PIPOX: variants seen among roughly 807,000 people sequenced by gnomAD.
The protein encoded by PIPOX is peroxisomal sarcosine oxidase.
Under a neutral mutation model 47.9 loss-of-function variants are expected in PIPOX, and 45 were observed. The observed-to-expected ratio is 0.94, with a 90% CI of 0.74 to 1.20. The LOEUF is 1.20. Among genes scored for constraint, PIPOX ranks in the 50% most tolerant of loss-of-function variants. PIPOX has a pLI of 0.00. For missense variants in PIPOX, 458 were observed against 498.4 expected, an observed-to-expected ratio of 0.92 and a Z score of 0.77; for synonymous variants, 165 against 191.3, an observed-to-expected ratio of 0.86 and a Z score of 1.13.
intron 2 of PIPOX, among the ~76,000 whole-genome samples, chr17:29,045,403 CTTTTTTTTTTTT>C (rs57047541): frequency 5.9e-4 from 30 of 50,984 alleles, no homozygotes; most frequent in East Asian, 1.5e-3. Context: ...CAGGAGGATT[CTTTTTTTTTTTT>C]TTTTTTTTTT....
rs774488155 is a variant in PIPOX, at chr17:29,056,140, T to C, written c.1043-35T>C. 13 of 1,613,058 alleles carry C rather than the reference T, an allele frequency of 8.1e-6. No individual in the cohort carries two copies. In the East Asian group the frequency reaches 2.9e-4, roughly 36 times the overall value. ...GTCCAGAGAGCTCAACCTCTGTCTG[T>C]GAAGCTGCCTGAGAGTCTGCTCTTC... On this transcript the variant is annotated intron_variant, in intron 7 of 7. Coordinates refer to ENST00000323372, the MANE Select transcript of PIPOX (RefSeq NM_016518.3).
chr17:29,055,248 G>A, intron 6 of PIPOX, 27 bp downstream of exon 6: 1 of 1,613,456 alleles, frequency 6.2e-7, no homozygotes, highest in Non-Finnish European at 8.5e-7. Context: ...GCCTTGCTGG[G>A]CCCCCTCACC....
At chr17:29,050,855 A>T (rs376463909) in intron 2 of PIPOX, among the ~76,000 whole-genome samples, 3 of 151,630 alleles carry the variant, frequency 2.0e-5, no homozygotes, top group African/African-American at 7.3e-5. Context: ...AAGAAAAAAA[A>T]GTTTGGCCAG....
rs1226623086 is a variant in PIPOX at position 29,053,144 on chromosome 17, A to G, written c.477+11A>G. 42 of 1,610,682 alleles carry G rather than the reference A, an allele frequency of 2.6e-5. No homozygotes were observed. Among genetic ancestry groups the G allele is most frequent in the Non-Finnish European group, 3.2e-5 (38 of 1,177,354 alleles). On this transcript the variant is annotated intron_variant, in intron 3 of 7. Transcript: ENST00000323372. ...CTCAGAGCCCTGCAGGTAATGTCGTATAGCACTGGGGCGATGCAGGTGCTC... is the reference window on the plus strand; with the variant it reads ...CTCAGAGCCCTGCAGGTAATGTCGTGTAGCACTGGGGCGATGCAGGTGCTC...
chr17:29,056,243 T>C lies in PIPOX; in HGVS notation c.1111T>C (p.Ser371Pro), dbSNP rs778699656. The change falls in exon 8 of 8, where the codon TCT (serine) becomes CCT (proline). Residue 371 changes from serine (S) to proline (P), a missense_variant. Transcript: ENST00000323372. ...LYELSMKLTP[S>P]YDLAPFRISR... ...TGAATTAAGCATGAAATTAACACCA[T>C]CTTATGACTTGGCACCTTTTCGAAT... 2 of 1,614,178 alleles carry C rather than the reference T, an allele frequency of 1.2e-6. No individual in the cohort carries two copies. The highest frequency in any genetic ancestry group is 4.5e-5 in the East Asian group (2 of 44,884).
chr17:29,047,126 A>C (rs925199940), intron 2 of PIPOX, among the ~76,000 whole-genome samples: 1 of 152,166 alleles, frequency 6.6e-6, no homozygotes, highest in African/African-American at 2.4e-5. Context: ...GCCTCTACTA[A>C]AAATACAAAA....
chr17:29,053,238 G>T (rs1352068442), intron 3 of PIPOX, 105 bp downstream of exon 3: 3 of 1,277,462 alleles, frequency 2.3e-6, no homozygotes, highest in South Asian at 1.3e-5. Context: ...CCTTTGCCCT[G>T]CAGGCTTTAG....
Position 29,056,497 on chromosome 17 carries a change from C to G in PIPOX, c.*192C>G, listed in dbSNP as rs1194309111. On this transcript the variant is annotated 3_prime_UTR_variant, in exon 8 of 8. Transcript: ENST00000323372. ...CCTTTTTCTTCTGCCTCACTTGAAT[C>G]CCCCGTAAACACCAGACGATTGAGT... is the stretch of plus-strand genomic sequence containing the variant. The G allele has an allele frequency of 1.3e-5, 8 of 632,094 alleles. No individual in the cohort carries two copies. In the Admixed American group the frequency reaches 2.4e-4, roughly 19 times the overall value. The allele number at this position is 632,094 out of a possible 1,614,324, so 39.2% of individuals were successfully genotyped here. A position where few individuals can be genotyped will look rare whatever the true frequency, so the allele number is the denominator to read the frequency against.
At position 29,043,179 on chromosome 17, in the gene PIPOX, C is replaced by CTTGCCT; in HGVS notation, c.-37_-32dup. 6.8e-7 allele frequency: 1 copy of CTTGCCT among 1,466,094 alleles called. No homozygotes were observed. 90.8% of individuals were successfully genotyped at this position (1,466,094 alleles called of 1,614,324 possible). ...TCCTTTAGCCGGGAGCCTGTCTTTG[C>CTTGCCT]TTGCCTTTGCCTTTGAGGCTCTGTG... On this transcript the variant is annotated 5_prime_UTR_variant, in exon 1 of 8. Coordinates refer to ENST00000323372, the MANE Select transcript of PIPOX (RefSeq NM_016518.3).
At chr17:29,054,912 G>A in intron 5 of PIPOX, 151 bp from the exon 6 acceptor site, 1 of 1,138,790 alleles carries the variant, frequency 8.8e-7, no homozygotes, top group Non-Finnish European at 1.3e-6. Flanking sequence ...CAACAGCTAA[G>A]CAGCCTCAGG....
At chr17:29,043,385 C>T (rs561814004) in intron 1 of PIPOX, 46 bp downstream of exon 1, 1 of 1,383,992 alleles carries the variant, frequency 7.2e-7, no homozygotes, top group East Asian at 2.3e-5. Flanking sequence ...CTGTCCTACC[C>T]TCCTCCCCTG....
At chr17:29,053,314 G>T (rs1383553339) in intron 3 of PIPOX, 99 bp from the exon 4 acceptor site, 2 of 1,325,942 alleles carry the variant, frequency 1.5e-6, no homozygotes, top group African/African-American at 1.5e-5. Context: ...GACAGGTCTA[G>T]ATTCTGCACT....
chr17:29,054,425 T>A, intron 4 of PIPOX, 120 bp from the exon 5 acceptor site: 1 of 964,828 alleles, frequency 1.0e-6, no homozygotes. Context: ...CAAACATGGA[T>A]GAGTTCAACT....
rs1005194809 is a variant in PIPOX, at chr17:29,057,057, G to A, written c.*752G>A. ...GCTTGGGATGGATTTGACTAAATCTGCCCCGAGGAGGGTGAACAAGGTGAT... is the reference window on the plus strand; with the variant it reads ...GCTTGGGATGGATTTGACTAAATCTACCCCGAGGAGGGTGAACAAGGTGAT... On this transcript the variant is annotated 3_prime_UTR_variant, in exon 8 of 8. Transcript: ENST00000323372. The A allele has an allele frequency of 3.3e-5, 5 of 152,096 alleles. No individual in the cohort carries two copies. Among genetic ancestry groups the A allele is most frequent in the Non-Finnish European group, 7.3e-5 (5 of 68,030 alleles). 9.4% of individuals were successfully genotyped at this position (152,096 alleles called of 1,614,324 possible). A position where few individuals can be genotyped will look rare whatever the true frequency, so the allele number is the denominator to read the frequency against.
rs970245435 is a variant in PIPOX at position 29,046,830 on chromosome 17, C to T, written c.263+1823C>T. 52 of 891,220 alleles carry T rather than the reference C, an allele frequency of 5.8e-5. No individual in the cohort carries two copies. The African/African-American group carries it at 6.7e-4, about 11-fold the overall frequency. 55.2% of individuals were successfully genotyped at this position (891,220 alleles called of 1,614,324 possible). ...ACACGCTCAGCTGTGTGGTTTGGAA[C>T]GAGCTGTTGAACCTCTGGTGAGACT... On this transcript the variant is annotated intron_variant, in intron 2 of 7. Transcript: ENST00000323372.
rs374439895 is a variant in PIPOX at position 29,044,988 on chromosome 17, G to A, written c.244G>A (p.Ala82Thr). The A allele has an allele frequency of 1.7e-5, 28 of 1,609,230 alleles. 1 individual carries two copies. The African/African-American group carries it at 3.5e-4, about 20-fold the overall frequency. ...GATATGGGCCCAGCTGGAGCACGAG[G>A]CTGGAACCCAATTGCACAGGTGGGC... ...YQIWAQLEHE[A>T]GTQLHRQTGL... Residue 82 changes from alanine to threonine, a missense_variant, in exon 2 of 8, where the codon GCT (alanine) becomes ACT (threonine). Physicochemically the swap from Ala to Thr is moderately conservative, Grantham distance 58. Coordinates refer to ENST00000323372, the MANE Select transcript of PIPOX (RefSeq NM_016518.3).
chr17:29,055,811 A>T lies in PIPOX; in HGVS notation c.967-2A>T. On this transcript the variant is annotated splice_acceptor_variant, in intron 6 of 7. Transcript: ENST00000323372. LOFTEE classifies it high-confidence loss of function. ...ACACAAGGTGTGACTGTTTCTTTCT[A>T]GAATACCCCTGATGAGCAGTTCATT... 1 of 1,613,154 alleles carries T rather than the reference A, an allele frequency of 6.2e-7. No homozygotes were observed. Among genetic ancestry groups the T allele is most frequent in the Non-Finnish European group, 8.5e-7 (1 of 1,179,100 alleles).
At position 29,055,134 on chromosome 17, in the gene PIPOX, A is replaced by G; in HGVS notation, c.879A>G (p.Gly293=). The change falls in exon 6 of 8, where the codon GGA becomes GGG. Residue 293 remains glycine (G), a synonymous_variant. Coordinates refer to ENST00000323372, the MANE Select transcript of PIPOX (RefSeq NM_016518.3). The part of the protein sequence containing the change: ...RDCPTARTDI[G]DVQILSSFVR... ...GCCCCACAGCACGCACAGACATCGG[A>G]GACGTCCAGATCCTGAGCAGCTTTG... The G allele has an allele frequency of 6.2e-7, 1 of 1,614,114 alleles. No homozygotes were observed. Among genetic ancestry groups the G allele is most frequent in the Non-Finnish European group, 8.5e-7 (1 of 1,180,016 alleles).
intron 1 of PIPOX, among the ~76,000 whole-genome samples, chr17:29,043,604 C>A (rs146273815): frequency 3.3e-5 from 5 of 152,260 alleles, no homozygotes; most frequent in Admixed American, 3.3e-4. Context: ...CGTCCTAGGC[C>A]CTGTTCTCTT....
Sources: gnomAD v4.1 joint callset for allele counts (sites outside exome capture counted in the v4.1 genomes callset) on GRCh38, gnomAD v4.1.1 for gene constraint, MANE v1.5 for transcripts, NCBI Gene and HGNC (gene_info 2026-07-23, HGNC 2026-07-21) for gene names.